GAB2: variants seen among roughly 807,000 people sequenced by gnomAD.
The protein encoded by GAB2 is GRB2-associated-binding protein 2.
Under a neutral mutation model 65.5 loss-of-function variants are expected in GAB2, and 26 were observed. The observed-to-expected ratio is 0.40, with a 90% CI of 0.29 to 0.55. GAB2 has a LOEUF of 0.55. GAB2 is among the 20% of genes least tolerant of loss of function. GAB2 has a pLI of 0.53. For missense variants in GAB2, 884 were observed against 875.8 expected (o/e 1.01, Z -0.12); for synonymous variants, 321 against 329.6 (o/e 0.97, Z 0.28).
chr11:78,307,604 T>TAGAGAGAGAGAGAGAGAGAGAGAGAGAG lies in GAB2; in HGVS notation c.76-26731_76-26704dup, dbSNP rs59402607. Among the ~76,000 whole-genome samples the TAGAGAGAGAGAGAGAGAGAGAGAGAGAG allele has an allele frequency of 2.1e-4, 26 of 121,926 alleles. 1 individual carries two copies. The highest frequency in any genetic ancestry group is 7.6e-4 in the African/African-American group (21 of 27,524). 80.0% of individuals were successfully genotyped at this position (121,926 alleles called of 152,430 possible). On this transcript the variant is annotated intron_variant, in intron 1 of 9. Transcript: ENST00000361507. ...GAGATCCCATCTCTACAAAAAATGT[T>TAGAGAGAGAGAGAGAGAGAGAGAGAGAG]AGAGAGAGAGAGAGAGAGAGAGAGA...
intron 1 of GAB2, among the ~76,000 whole-genome samples, chr11:78,399,290 G>A (rs942674007): frequency 7.9e-5 from 12 of 152,208 alleles, no homozygotes; most frequent in African/African-American, 1.4e-4. Context: ...TGAGAATGGC[G>A]AATTAGAGAT....
intron 3 of GAB2, among the ~76,000 whole-genome samples, chr11:78,229,124 T>C (rs1864766440): frequency 6.6e-6 from 1 of 152,016 alleles, no homozygotes; most frequent in South Asian, 2.1e-4. Flanking sequence ...CTGCTGACAG[T>C]TGGTATCAGC....
chr11:78,251,970 G>C (rs1865467357), intron 2 of GAB2, among the ~76,000 whole-genome samples: 1 of 152,244 alleles, frequency 6.6e-6, no homozygotes, highest in South Asian at 2.1e-4. Flanking sequence ...AATTCCACTA[G>C]TGAAACTTCT....
intron 1 of GAB2, among the ~76,000 whole-genome samples, chr11:78,391,484 A>T (rs1856833199): frequency 6.6e-6 from 1 of 152,188 alleles, no homozygotes; most frequent in Non-Finnish European, 1.5e-5. Flanking sequence ...AAAGGCCATG[A>T]CATCTTCATC....
intron 1 of GAB2, among the ~76,000 whole-genome samples, chr11:78,375,715 A>C (rs1856623966): frequency 6.6e-6 from 1 of 152,230 alleles, no homozygotes; most frequent in Admixed American, 6.5e-5. Flanking sequence ...TATAAAGCTT[A>C]CATAGTCAGT....
intron 1 of GAB2, among the ~76,000 whole-genome samples, chr11:78,367,337 A>G (rs1308539873): frequency 6.6e-6 from 1 of 152,234 alleles, no homozygotes; most frequent in African/African-American, 2.4e-5. Flanking sequence ...TCAGGTAGGT[A>G]CATATATGAG....
intron 1 of GAB2, among the ~76,000 whole-genome samples, chr11:78,339,404 C>T (rs1285743598): frequency 6.6e-6 from 1 of 152,110 alleles, no homozygotes; most frequent in Non-Finnish European, 1.5e-5. Context: ...GTTTTTCATA[C>T]AATAGACAAG....
chr11:78,289,814 CTT>C lies in GAB2; in HGVS notation c.76-8915_76-8914del, dbSNP rs56926225. ...CGGTTTTGGAAAGGAAGAACAGGAC[CTT>C]TTTTTTTTTTTTTTTTTTTTTTTTA... On this transcript the variant is annotated intron_variant, in intron 1 of 9. Coordinates refer to ENST00000361507, the MANE Select transcript of GAB2 (RefSeq NM_080491.3). 8.8e-3 allele frequency among the ~76,000 whole-genome samples: 737 copies of C among 83,658 alleles called. 10 individuals carry two copies. Among genetic ancestry groups the C allele is most frequent in the African/African-American group, 0.033 (691 of 20,880 alleles). The allele number at this position is 83,658 out of a possible 152,430, so 54.9% of individuals were successfully genotyped here. A position where few individuals can be genotyped will look rare whatever the true frequency, so the allele number is the denominator to read the frequency against.
intron 3 of GAB2, among the ~76,000 whole-genome samples, chr11:78,228,481 T>G (rs1480108614): frequency 4.6e-5 from 7 of 152,200 alleles, no homozygotes; most frequent in Non-Finnish European, 1.0e-4. Context: ...TAATACATAA[T>G]AGCCCTCTGA....
chr11:78,358,584 T>C (rs1044745646), intron 1 of GAB2, among the ~76,000 whole-genome samples: 2 of 151,456 alleles, frequency 1.3e-5, no homozygotes, highest in African/African-American at 4.8e-5. Flanking sequence ...CAAGTGAAGA[T>C]CTAAAAGTAG....
chr11:78,404,129 C>A (rs1159687338), intron 1 of GAB2, among the ~76,000 whole-genome samples: 1 of 152,142 alleles, frequency 6.6e-6, no homozygotes, highest in African/African-American at 2.4e-5. Flanking sequence ...GAAAGGAAAT[C>A]AATGTATTGA....
At chr11:78,360,729 G>T (rs1856423575) in intron 1 of GAB2, among the ~76,000 whole-genome samples, 1 of 151,972 alleles carries the variant, frequency 6.6e-6, no homozygotes, top group African/African-American at 2.4e-5. Flanking sequence ...GTGGTAGCAT[G>T]TCCCTGTTAA....
chr11:78,341,553 G>A (rs1473453513), intron 1 of GAB2, among the ~76,000 whole-genome samples: 3 of 152,052 alleles, frequency 2.0e-5, no homozygotes, highest in East Asian at 3.9e-4. Context: ...CCTGCACTAG[G>A]GTCATCAGCT....
chr11:78,384,342 T>TGGGTGG (rs376658924), intron 1 of GAB2, among the ~76,000 whole-genome samples: 11 of 152,218 alleles, frequency 7.2e-5, no homozygotes, highest in African/African-American at 2.7e-4. Flanking sequence ...GTCTCAGTCC[T>TGGGTGG]GGGAGTGCTT....
Position 78,228,036 on chromosome 11 carries a change from G to C in GAB2, c.621-985C>G, listed in dbSNP as rs139739011. 5.4e-3 allele frequency among the ~76,000 whole-genome samples: 826 copies of C among 152,300 alleles called. 8 individuals carry two copies. Among genetic ancestry groups the C allele is most frequent in the African/African-American group, 0.019 (790 of 41,550 alleles). ...TGGGCAATAAGGCAAGCAGTAAAAAGAGAAGAGAAACAAGAGGGGAGACTT... is the reference window on the plus strand; with the variant it reads ...TGGGCAATAAGGCAAGCAGTAAAAACAGAAGAGAAACAAGAGGGGAGACTT... On this transcript the variant is annotated intron_variant, in intron 3 of 9. Coordinates refer to ENST00000361507, the MANE Select transcript of GAB2 (RefSeq NM_080491.3).
intron 1 of GAB2, among the ~76,000 whole-genome samples, chr11:78,363,756 T>A (rs988684977): frequency 1.3e-4 from 20 of 151,976 alleles, no homozygotes; most frequent in Non-Finnish European, 2.8e-4. Context: ...CTGCTAATTT[T>A]TGTATTTTTT....
intron 2 of GAB2, among the ~76,000 whole-genome samples, chr11:78,264,487 G>A (rs373798221): frequency 2.6e-5 from 4 of 151,522 alleles, no homozygotes; most frequent in South Asian, 2.1e-4. Context: ...TGCAGCCTCC[G>A]CCTCCCAGAT....
chr11:78,320,037 G>A (rs190513814), intron 1 of GAB2, among the ~76,000 whole-genome samples: 11 of 151,998 alleles, frequency 7.2e-5, no homozygotes, highest in Non-Finnish European at 5.9e-5. Context: ...CACCACACTG[G>A]CTAACTTTTG....
intron 1 of GAB2, among the ~76,000 whole-genome samples, chr11:78,319,626 A>G (rs982615492): frequency 3.9e-5 from 6 of 152,240 alleles, no homozygotes; most frequent in Non-Finnish European, 8.8e-5. Context: ...CCTAAACAAG[A>G]TCTGCTATAA....
Sources: allele counts gnomAD v4.1 joint callset (sites outside exome capture counted in the v4.1 genomes callset), GRCh38; gene constraint gnomAD v4.1.1; transcripts MANE v1.5; gene names NCBI Gene and HGNC (gene_info 2026-07-23, HGNC 2026-07-21).